The following SLX4IP variants were observed in gnomAD, a reference collection of about 807,000 sequenced individuals.
SLX4IP encodes protein SLX4IP.
Under a neutral mutation model 32.9 loss-of-function variants are expected in SLX4IP, and 34 were observed. The observed-to-expected ratio is 1.03, with a 90% CI of 0.79 to 1.38. The LOEUF is 1.38. SLX4IP is among the 40% of genes most tolerant of loss of function. SLX4IP has a pLI of 0.00. For synonymous variants in SLX4IP, 172 were observed against 171.7 expected, an observed-to-expected ratio of 1.00 and a Z score of -0.01; for missense variants, 444 against 479.0, an observed-to-expected ratio of 0.93 and a Z score of 0.68.
intron 4 of SLX4IP, among the ~76,000 whole-genome samples, chr20:10,567,344 C>G (rs1377165799): frequency 1.3e-5 from 2 of 152,150 alleles, no homozygotes; most frequent in Admixed American, 6.5e-5. Flanking sequence ...CATATGAAGG[C>G]AGAGCCTTCA....
intron 2 of SLX4IP, among the ~76,000 whole-genome samples, chr20:10,476,090 T>C (rs1325303939): frequency 6.6e-6 from 1 of 152,302 alleles, no homozygotes; most frequent in Non-Finnish European, 1.5e-5. Flanking sequence ...TGGCAATGTG[T>C]TTTATTATCG....
At chr20:10,559,175 G>A (rs143052453) in intron 3 of SLX4IP, among the ~76,000 whole-genome samples, 1,635 of 151,642 alleles carry the variant, frequency 0.011, 32 homozygotes, top group African/African-American at 0.037. Context: ...TTTGTTGTGT[G>A]AACAATGCCG....
chr20:10,467,856 T>A (rs936572179), intron 2 of SLX4IP, among the ~76,000 whole-genome samples: 5 of 151,058 alleles, frequency 3.3e-5, no homozygotes, highest in African/African-American at 7.3e-5. Context: ...TTGAAATTAA[T>A]TTTTTTTTTC....
In SLX4IP at chr20:10,435,337, C is replaced by T. The variant is rs555183524; in HGVS notation, c.-146C>T. 6.6e-6 allele frequency: 1 copy of T among 152,318 alleles called. No individual in the cohort carries two copies. Among genetic ancestry groups the T allele is most frequent in the South Asian group, 2.1e-4 (1 of 4,832 alleles). 9.4% of individuals were successfully genotyped at this position (152,318 alleles called of 1,614,324 possible). On this transcript the variant is annotated 5_prime_UTR_variant, in exon 1 of 8. Coordinates refer to ENST00000334534, the MANE Select transcript of SLX4IP (RefSeq NM_001009608.3). ...CTTCCCTTAAGCTTCTGAAGGTTGG[C>T]TGCAGTTCCGGCTACCTGTGTAGTC...
At chr20:10,571,251 A>C (rs596547) in intron 4 of SLX4IP, among the ~76,000 whole-genome samples, 47,855 of 152,052 alleles carry the variant, frequency 0.31, 8,698 homozygotes, top group South Asian at 0.49. Context: ...ATGCTGGACA[A>C]GCCAGTTGCC....
rs935011493 is a variant in SLX4IP, at chr20:10,623,366, A to T, written c.1214A>T (p.Glu405Val). 1.2e-6 allele frequency: 2 copies of T among 1,610,720 alleles called. No individual in the cohort carries two copies. The highest frequency in any genetic ancestry group is 1.7e-6 in the Non-Finnish European group (2 of 1,178,726). ...CCAACCAAGAAAAGAAAGAAATACG[A>T]AAGAGGCCATTAACACCGAAGAGGT... ...NSPTKKRKKY[E>V]RGH Residue 405 changes from glutamate to valine, a missense_variant, in exon 8 of 8, where the codon GAA becomes GTA. Glu to Val is a moderately radical substitution (Grantham distance 121, BLOSUM62 -2). Transcript: ENST00000334534.
At chr20:10,456,696 A>G (rs2065288545) in intron 1 of SLX4IP, among the ~76,000 whole-genome samples, 1 of 152,138 alleles carries the variant, frequency 6.6e-6, no homozygotes, top group Non-Finnish European at 1.5e-5. Context: ...CTTCTTTTTC[A>G]GTATTGTTTT....
At chr20:10,589,280 G>A (rs1342123043) in intron 4 of SLX4IP, among the ~76,000 whole-genome samples, 2 of 152,140 alleles carry the variant, frequency 1.3e-5, no homozygotes, top group Non-Finnish European at 2.9e-5. Context: ...TATGGGAAGT[G>A]TCATTATCAT....
At chr20:10,445,638 T>A (rs534196825) in intron 1 of SLX4IP, among the ~76,000 whole-genome samples, 71 of 150,752 alleles carry the variant, frequency 4.7e-4, no homozygotes, top group Middle Eastern at 3.4e-3. Context: ...TTTTTTTTTT[T>A]TTTTGAGATG....
At chr20:10,453,165 T>C (rs1417343929) in intron 1 of SLX4IP, among the ~76,000 whole-genome samples, 1 of 152,230 alleles carries the variant, frequency 6.6e-6, no homozygotes, top group Non-Finnish European at 1.5e-5. Context: ...AACTGAACTG[T>C]GTATTAAGCA....
At chr20:10,453,572 G>T (rs1317039014) in intron 1 of SLX4IP, among the ~76,000 whole-genome samples, 1 of 152,060 alleles carries the variant, frequency 6.6e-6, no homozygotes, top group Non-Finnish European at 1.5e-5. Context: ...ATAAGAGCTT[G>T]CATAAGAATT....
chr20:10,467,206 T>C (rs1009494338), intron 2 of SLX4IP, among the ~76,000 whole-genome samples: 9 of 152,220 alleles, frequency 5.9e-5, no homozygotes, highest in African/African-American at 2.4e-5. Flanking sequence ...TCAGTGCTCA[T>C]TTGAAAATGG....
intron 2 of SLX4IP, among the ~76,000 whole-genome samples, chr20:10,494,511 G>C (rs999147028): frequency 6.6e-6 from 1 of 151,616 alleles, no homozygotes; most frequent in Non-Finnish European, 1.5e-5. Flanking sequence ...ACATAGAATT[G>C]AGTTATAGTT....
chr20:10,589,806 A>ATCT (rs1023786633), intron 4 of SLX4IP, among the ~76,000 whole-genome samples: 1 of 25,874 alleles, frequency 3.9e-5, no homozygotes, highest in Non-Finnish European at 6.9e-5. Flanking sequence ...AAGACCTAGA[A>ATCT]GATATCAAAA....
intron 2 of SLX4IP, among the ~76,000 whole-genome samples, chr20:10,545,156 T>C (rs958196160): frequency 6.6e-6 from 1 of 152,146 alleles, no homozygotes; most frequent in Non-Finnish European, 1.5e-5. Flanking sequence ...CTTGAGGCTC[T>C]AGTGGGTAAA....
At chr20:10,583,235 A>G (rs560942768) in intron 4 of SLX4IP, among the ~76,000 whole-genome samples, 1 of 152,332 alleles carries the variant, frequency 6.6e-6, no homozygotes, top group African/African-American at 2.4e-5. Flanking sequence ...GCTCTAAAAG[A>G]GAAGTGATTT....
intron 2 of SLX4IP, among the ~76,000 whole-genome samples, chr20:10,490,426 A>G (rs1245582860): frequency 6.6e-6 from 1 of 152,054 alleles, no homozygotes; most frequent in East Asian, 1.9e-4. Context: ...ACATCTTTCT[A>G]TAGTGTGAAA....
chr20:10,613,583 G>A (rs1354218192), intron 6 of SLX4IP: 92 of 1,612,508 alleles, frequency 5.7e-5, no homozygotes, highest in Non-Finnish European at 7.0e-5. Flanking sequence ...GGCTATCCAC[G>A]CCTTCATCAA....
At chr20:10,555,052 T>G (rs186471342) in intron 2 of SLX4IP, among the ~76,000 whole-genome samples, 28 of 152,314 alleles carry the variant, frequency 1.8e-4, no homozygotes, top group Admixed American at 8.5e-4. Flanking sequence ...TTTTGGCTTT[T>G]TTGTCTAGGT....
Sources: allele counts gnomAD v4.1 joint callset (sites outside exome capture counted in the v4.1 genomes callset), GRCh38; gene constraint gnomAD v4.1.1; transcripts MANE v1.5; gene names NCBI Gene and HGNC (gene_info 2026-07-23, HGNC 2026-07-21).